The following XKR6 variants were observed in gnomAD, a reference collection of about 807,000 sequenced individuals.
XKR6 encodes the protein XK-related protein 6.
Under a neutral mutation model 56.7 loss-of-function variants are expected in XKR6, and 22 were observed. The ratio of observed to expected loss-of-function variants is 0.39; its 90% CI spans 0.28 to 0.55. XKR6 has a LOEUF of 0.55. Among genes scored for constraint, XKR6 ranks in the 20% least tolerant of loss-of-function variants. The pLI, the probability that XKR6 is intolerant of heterozygous loss-of-function variation, is 0.66. For synonymous variants in XKR6, 524 were observed against 387.8 expected (o/e 1.35, Z -4.13); for missense variants, 852 against 889.0 (o/e 0.96, Z 0.53).
At chr8:11,146,190 T>C (rs1466002867) in intron 1 of XKR6, among the ~76,000 whole-genome samples, 2 of 152,220 alleles carry the variant, frequency 1.3e-5, no homozygotes, top group Non-Finnish European at 2.9e-5. Flanking sequence ...TCATACCATA[T>C]ACAAAAAGTA....
chr8:11,114,136 G>A (rs556996446), intron 1 of XKR6: 2 of 417,648 alleles, frequency 4.8e-6, no homozygotes, highest in African/African-American at 4.2e-5. Context: ...AGCATGGAAT[G>A]AAATCTCTAA....
intron 1 of XKR6, among the ~76,000 whole-genome samples, chr8:11,133,417 CCCTTAAGATCTG>C (rs1329401298): frequency 6.6e-6 from 1 of 152,056 alleles, no homozygotes; most frequent in African/African-American, 2.4e-5. Flanking sequence ...GTGAACAATA[CCCTTAAGATCTG>C]CCTCCTGGAG....
At chr8:10,977,386 C>T (rs1802597896) in intron 1 of XKR6, among the ~76,000 whole-genome samples, 1 of 151,932 alleles carries the variant, frequency 6.6e-6, no homozygotes, top group South Asian at 2.1e-4. Context: ...AATTCCCTAA[C>T]CCCCTGCACA....
chr8:11,027,594 G>C (rs7845088), intron 1 of XKR6, among the ~76,000 whole-genome samples: 34,330 of 152,176 alleles, frequency 0.23, 4,137 homozygotes, highest in Non-Finnish European at 0.28. Context: ...CAAGTCACAT[G>C]ACATTAGGCT....
intron 1 of XKR6, among the ~76,000 whole-genome samples, chr8:11,065,435 T>G (rs1021995721): frequency 6.6e-6 from 1 of 152,246 alleles, no homozygotes. Flanking sequence ...CTGCCTGCAC[T>G]GAGGACATTA....
rs983156644 is a variant in XKR6 at position 10,937,964 on chromosome 8, G to C, written c.765-13134C>G. 4.2e-4 allele frequency among the ~76,000 whole-genome samples: 64 copies of C among 151,150 alleles called. 1 individual carries two copies. Among genetic ancestry groups the C allele is most frequent in the Non-Finnish European group, 7.1e-4 (48 of 67,436 alleles). On this transcript the variant is annotated intron_variant, in intron 1 of 2. Coordinates refer to ENST00000416569, the MANE Select transcript of XKR6 (RefSeq NM_173683.4). ...CTTCCCGGCTGCTTTGTTTACCTAA[G>C]CAAGCCTGAGCAATGGCGGGCGCCC...
At chr8:10,981,223 T>G (rs1368976493) in intron 1 of XKR6, among the ~76,000 whole-genome samples, 1 of 152,174 alleles carries the variant, frequency 6.6e-6, no homozygotes, top group Non-Finnish European at 1.5e-5. Flanking sequence ...GAAAAATGTG[T>G]GCTTGTCCCC....
chr8:11,037,580 C>T lies in XKR6; in HGVS notation c.765-112750G>A, dbSNP rs148487611. 5.9e-5 allele frequency among the ~76,000 whole-genome samples: 9 copies of T among 152,310 alleles called. No homozygotes were observed. The East Asian group carries it at 1.4e-3, about 23-fold the overall frequency. On this transcript the variant is annotated intron_variant, in intron 1 of 2. Transcript: ENST00000416569. ...ACGCATGTAAAAATGATTGAATGGG[C>T]CGGGCGCAGTGGCTCACGCCTGTAA...
chr8:10,959,049 C>T (rs193214857), intron 1 of XKR6, among the ~76,000 whole-genome samples: 7 of 152,336 alleles, frequency 4.6e-5, no homozygotes, highest in Admixed American at 4.6e-4. Flanking sequence ...CAGAGTGTGA[C>T]GCTGACACTC....
At position 11,200,181 on chromosome 8, in the gene XKR6, GC is replaced by G. The variant is rs1804127677; in HGVS notation, c.764+394del. Among the ~76,000 whole-genome samples the G allele has an allele frequency of 6.6e-6, 1 of 152,226 alleles. No homozygotes were observed. The highest frequency in any genetic ancestry group is 1.9e-4 in the East Asian group (1 of 5,184). On this transcript the variant is annotated intron_variant, in intron 1 of 2. Transcript: ENST00000416569. The surrounding 1 kb of genome is among the most constrained non-coding windows in gnomAD (Gnocchi z 6.4). ...GTCTCACCTGGGAACAAACCCGAAT[GC>G]AGCGGCTGGAGGAGGGAAGGCTCCC... is the stretch of plus-strand genomic sequence containing the variant.
chr8:11,133,438 A>G (rs1053639736), intron 1 of XKR6, among the ~76,000 whole-genome samples: 3 of 152,108 alleles, frequency 2.0e-5, no homozygotes, highest in Non-Finnish European at 2.9e-5. Flanking sequence ...TGCCTCCTGG[A>G]GAGAGGGCAA....
intron 1 of XKR6, among the ~76,000 whole-genome samples, chr8:11,012,323 C>T (rs894669695): frequency 6.6e-6 from 1 of 152,236 alleles, no homozygotes; most frequent in South Asian, 2.1e-4. Flanking sequence ...GTTACCTAAC[C>T]TTTCTGGCTC....
intron 1 of XKR6, among the ~76,000 whole-genome samples, chr8:11,135,896 T>TC (rs1456098842): frequency 6.6e-6 from 1 of 151,968 alleles, no homozygotes; most frequent in Non-Finnish European, 1.5e-5. Context: ...AAAATATTTC[T>TC]CCCAAAATGC....
At chr8:11,192,475 C>G (rs1169437677) in intron 1 of XKR6, among the ~76,000 whole-genome samples, 2 of 151,890 alleles carry the variant, frequency 1.3e-5, no homozygotes, top group Non-Finnish European at 2.9e-5. Context: ...ACGAGTAAAG[C>G]ATGGTGGCAC....
intron 1 of XKR6, among the ~76,000 whole-genome samples, chr8:11,047,087 G>A (rs150949523): frequency 5.5e-4 from 84 of 152,284 alleles, no homozygotes; most frequent in African/African-American, 1.9e-3. Flanking sequence ...ACAGCATGGT[G>A]ACTATAGTTA....
intron 1 of XKR6, among the ~76,000 whole-genome samples, chr8:11,073,377 G>A (rs543029829): frequency 3.3e-5 from 5 of 152,222 alleles, no homozygotes; most frequent in African/African-American, 1.2e-4. Context: ...GATGCATCCT[G>A]CCTCCAAAGA....
intron 1 of XKR6, among the ~76,000 whole-genome samples, chr8:10,981,928 A>G (rs540684698): frequency 6.6e-6 from 1 of 152,378 alleles, no homozygotes; most frequent in South Asian, 2.1e-4. Flanking sequence ...GGAAAAGCTC[A>G]TGGCTTGGAT....
chr8:10,995,223 T>A (rs1744424300), intron 1 of XKR6, among the ~76,000 whole-genome samples: 1 of 151,890 alleles, frequency 6.6e-6, no homozygotes, highest in African/African-American at 2.4e-5. Flanking sequence ...GCTGTTAAAT[T>A]TGGGGTGTCG....
chr8:10,926,376 G>A (rs76015715), intron 1 of XKR6, among the ~76,000 whole-genome samples: 3,193 of 152,118 alleles, frequency 0.021, 112 homozygotes, highest in African/African-American at 0.074. Context: ...AGTAAGCCCC[G>A]CTCACCAACT....
Sources: allele counts gnomAD v4.1 joint callset (sites outside exome capture counted in the v4.1 genomes callset), GRCh38; gene constraint gnomAD v4.1.1; non-coding constraint Gnocchi (gnomAD v3.1); transcripts MANE v1.5; gene names NCBI Gene and HGNC (gene_info 2026-07-23, HGNC 2026-07-21).